Variants in RC3H2 observed in about 807,000 individuals in gnomAD.
The protein encoded by RC3H2 is roquin-2.
A neutral mutation model predicts 133.3 loss-of-function variants in RC3H2; 31 were observed. That is an observed-to-expected ratio of 0.23 (90% CI 0.17 to 0.31). The LOEUF is 0.31. Ranked by LOEUF, RC3H2 falls within the 10% of genes least tolerant of loss-of-function variation. The pLI is 1.00. For missense variants in RC3H2, 1,175 were observed against 1,437.2 expected (o/e 0.82, Z 2.95); for synonymous variants, 517 against 502.2 (o/e 1.03, Z -0.40).
intron 2 of RC3H2, among the ~76,000 whole-genome samples, chr9:122,896,298 C>A (rs1832417126): frequency 6.6e-6 from 1 of 151,946 alleles, no homozygotes; most frequent in Non-Finnish European, 1.5e-5. Flanking sequence ...CCTACATAGA[C>A]CTTATTGTTT....
chr9:122,893,114 G>C, intron 2 of RC3H2, 88 bp from the exon 3 acceptor site: 1 of 1,493,392 alleles, frequency 6.7e-7, no homozygotes, highest in Non-Finnish European at 9.0e-7. Context: ...TAATCTTGGT[G>C]AGTATAAAAT....
chr9:122,870,049 G>T (rs1351387158), intron 9 of RC3H2, among the ~76,000 whole-genome samples: 1 of 152,084 alleles, frequency 6.6e-6, no homozygotes, highest in Non-Finnish European at 1.5e-5. Context: ...TTCCTATACA[G>T]AATATCGTGT....
chr9:122,862,527 A>G (rs1830495256), intron 10 of RC3H2, among the ~76,000 whole-genome samples: 1 of 152,126 alleles, frequency 6.6e-6, no homozygotes, highest in South Asian at 2.1e-4. Flanking sequence ...CCTCTCATAG[A>G]ATTATTCTTT....
Position 122,883,327 on chromosome 9 carries a change from A to C in RC3H2, c.636T>G (p.Ser212=). The C allele has an allele frequency of 3.1e-6, 5 of 1,613,402 alleles. 1 individual carries two copies. ...KLVLLALEDG[S]ALSRKVLVLF... is the part of the protein sequence containing the mutation. ...GTACCAGAACTTTCCTTGAGAGGGCAGAACCATCTTCTAATGCCAGTAACA... is the reference window on the plus strand; with the variant it reads ...GTACCAGAACTTTCCTTGAGAGGGCCGAACCATCTTCTAATGCCAGTAACA... Residue 212 remains serine (S), a synonymous_variant, in exon 5 of 21, where the codon TCT becomes TCG. Coordinates refer to ENST00000357244, the MANE Select transcript of RC3H2 (RefSeq NM_001100588.3).
rs577105596 is a variant in RC3H2 at position 122,845,750 on chromosome 9, A to G, written c.*3877T>C. 2 of 152,182 alleles carry G rather than the reference A, an allele frequency of 1.3e-5. No homozygotes were observed. Among genetic ancestry groups the G allele is most frequent in the Non-Finnish European group, 2.9e-5 (2 of 68,016 alleles). The allele number at this position is 152,182 out of a possible 1,614,324, so 9.4% of individuals were successfully genotyped here. ...TATCCAGAAAATGGGATACTCCTTGAGCATGTTCTTTTGTGTTCTGCTTGC... is the reference window on the plus strand; with the variant it reads ...TATCCAGAAAATGGGATACTCCTTGGGCATGTTCTTTTGTGTTCTGCTTGC... On this transcript the variant is annotated 3_prime_UTR_variant, in exon 21 of 21. Coordinates refer to ENST00000357244, the MANE Select transcript of RC3H2 (RefSeq NM_001100588.3).
Position 122,854,244 on chromosome 9 carries a change from A to T in RC3H2, c.2923T>A (p.Leu975Ile), listed in dbSNP as rs760445027. Residue 975 changes from leucine (L) to isoleucine (I), a missense_variant, in exon 17 of 21, where the codon TTA becomes ATA. Leu to Ile is a conservative substitution (Grantham distance 5). Transcript: ENST00000357244. ...VERDRFIVTD[L>I]SGHRKHSSTG... ...CTGGAATGCTTTCTATGACCAGATA[A>T]ATCAGTAACAATGAATCTGTCCCTT... is the stretch of plus-strand genomic sequence containing the variant. 6.2e-7 allele frequency: 1 copy of T among 1,613,290 alleles called. No homozygotes were observed. The highest frequency in any genetic ancestry group is 1.1e-5 in the South Asian group (1 of 90,982).
In RC3H2 at chr9:122,899,106, T is replaced by G. The variant is rs574153560; in HGVS notation, c.-67-1530A>C. Among the ~76,000 whole-genome samples the G allele has an allele frequency of 2.1e-4, 29 of 138,472 alleles. 1 individual carries two copies. In the South Asian group the frequency reaches 2.4e-3, roughly 11 times the overall value. 90.8% of individuals were successfully genotyped at this position (138,472 alleles called of 152,430 possible). On this transcript the variant is annotated intron_variant, in intron 1 of 20. Coordinates refer to ENST00000357244, the MANE Select transcript of RC3H2 (RefSeq NM_001100588.3). ...CTTTATTGTGTTTTTTTTTTTTTTT[T>G]TTTTTTTTTTTTCAGAGACAGAGTC...
At chr9:122,856,769 TA>T (rs1209111101) in intron 13 of RC3H2, among the ~76,000 whole-genome samples, 2 of 152,106 alleles carry the variant, frequency 1.3e-5, no homozygotes, top group African/African-American at 4.8e-5. Flanking sequence ...ATTATTCAGA[TA>T]AAAAAACTCA....
Position 122,851,218 on chromosome 9 carries a change from G to A in RC3H2, c.3243C>T (p.Asp1081=), listed in dbSNP as rs1265410977. 16 of 1,614,006 alleles carry A rather than the reference G, an allele frequency of 9.9e-6. No individual in the cohort carries two copies. Among genetic ancestry groups the A allele is most frequent in the Non-Finnish European group, 1.3e-5 (15 of 1,179,898 alleles). ...GQSEPIEEIL[D]IQLGISSQND... ...TTTGAGAACTGATACCAAGCTGTAT[G>A]TCCAAGATCTCCTAAGAAAATAAAA... Residue 1081 remains aspartate, a synonymous_variant, in exon 20 of 21, where the codon GAC becomes GAT. Coordinates refer to ENST00000357244, the MANE Select transcript of RC3H2 (RefSeq NM_001100588.3).
Position 122,849,729 on chromosome 9 carries a change from T to C in RC3H2, c.3474A>G (p.Thr1158=), listed in dbSNP as rs1439938052. 2.5e-6 allele frequency: 4 copies of C among 1,608,542 alleles called. No individual in the cohort carries two copies. Among genetic ancestry groups the C allele is most frequent in the African/African-American group, 1.3e-5 (1 of 74,518 alleles). The part of the protein sequence containing the change: ...ISNASCLPIT[T]SVSAGNLILK... ...GAATGAGGTTGCCAGCACTGACAGA[T>C]GTGGTGATGGGGAGGCAACTTGCAT... The change falls in exon 21 of 21, where the codon ACA becomes ACG. Residue 1158 remains threonine (T), a synonymous_variant. Coordinates refer to ENST00000357244, the MANE Select transcript of RC3H2 (RefSeq NM_001100588.3).
chr9:122,871,517 G>GGGGGT (rs1831093842), intron 9 of RC3H2, among the ~76,000 whole-genome samples: 1 of 148,794 alleles, frequency 6.7e-6, no homozygotes, highest in African/African-American at 2.5e-5. Flanking sequence ...GGGGGGGGGG[G>GGGGGT]TTTCATCGTG....
At chr9:122,875,261 TTCTC>T (rs527673272) in intron 9 of RC3H2, 201 of 1,550,988 alleles carry the variant, frequency 1.3e-4, no homozygotes, top group Admixed American at 1.8e-4. Context: ...CACACTTATC[TTCTC>T]TCTATCACAA....
chr9:122,894,348 T>C (rs1376142775), intron 2 of RC3H2, among the ~76,000 whole-genome samples: 1 of 152,086 alleles, frequency 6.6e-6, no homozygotes, highest in African/African-American at 2.4e-5. Flanking sequence ...GTACCAGGGA[T>C]ATATCAATGA....
intron 8 of RC3H2, among the ~76,000 whole-genome samples, chr9:122,879,431 C>T (rs932533219): frequency 5.3e-5 from 8 of 151,644 alleles, no homozygotes; most frequent in African/African-American, 1.5e-4. Context: ...CATAAATTTA[C>T]ATATAGAAAT....
chr9:122,855,908 T>C (rs750183914), intron 13 of RC3H2, 30 bp from the exon 14 acceptor site: 30 of 1,573,384 alleles, frequency 1.9e-5, no homozygotes, highest in Middle Eastern at 1.7e-4. Context: ...TAAAGCCAAT[T>C]AGTAAGAAGC....
intron 13 of RC3H2, 53 bp from the exon 14 acceptor site, chr9:122,855,931 G>A (rs908707568): frequency 4.9e-6 from 7 of 1,437,022 alleles, no homozygotes; most frequent in Non-Finnish European, 6.6e-6. Context: ...AAATTTACAA[G>A]CTTGTAACTA....
In RC3H2 at chr9:122,854,613, A is replaced by C; in HGVS notation, c.2818T>G (p.Tyr940Asp). 1 of 1,607,122 alleles carries C rather than the reference A, an allele frequency of 6.2e-7. No individual in the cohort carries two copies. The highest frequency in any genetic ancestry group is 8.5e-7 in the Non-Finnish European group (1 of 1,173,580). Residue 940 changes from tyrosine to aspartate, a missense_variant and splice_region_variant, in exon 16 of 21, where the codon TAT (tyrosine) becomes GAT (aspartate). Physicochemically the swap from Tyr to Asp is radical, Grantham distance 160. Transcript: ENST00000357244. Reference sequence around the variant, plus strand: ...TCAACAGCATTGACATAAGGGACATAATCTACAGACATGTAGAATGAAACA... The same window carrying C: ...TCAACAGCATTGACATAAGGGACATCATCTACAGACATGTAGAATGAAACA... ...SATKPISVSD[Y>D]VPYVNAVDSR...
Position 122,851,127 on chromosome 9 carries a change from G to A in RC3H2, c.3334C>T (p.Pro1112Ser). Reference sequence around the variant, plus strand: ...AAACTCTGTTTCTTCTGCTTTGGTGGCTCCTTTTGGTGCTGCTGTACTGGA... The same window carrying A: ...AAACTCTGTTTCTTCTGCTTTGGTGACTCCTTTTGGTGCTGCTGTACTGGA... The part of the protein sequence containing the change: ...GHPVQQHQKE[P>S]PKQKKQSLGE... The change falls in exon 20 of 21, where the codon CCA becomes TCA. Residue 1112 changes from proline (P) to serine (S), a missense_variant. Pro to Ser is a moderately conservative substitution (Grantham distance 74). Coordinates refer to ENST00000357244, the MANE Select transcript of RC3H2 (RefSeq NM_001100588.3). The A allele has an allele frequency of 6.2e-7, 1 of 1,614,072 alleles. No homozygotes were observed.
intron 10 of RC3H2, among the ~76,000 whole-genome samples, chr9:122,861,672 A>G (rs370510263): frequency 2.6e-5 from 4 of 152,186 alleles, no homozygotes; most frequent in Middle Eastern, 3.2e-3. Flanking sequence ...CAGGAACTCA[A>G]TACATTGCAT....
Sources: gnomAD v4.1 joint callset for allele counts (sites outside exome capture counted in the v4.1 genomes callset) on GRCh38, gnomAD v4.1.1 for gene constraint, MANE v1.5 for transcripts, NCBI Gene and HGNC (gene_info 2026-07-23, HGNC 2026-07-21) for gene names.